ABCB4: variants seen among roughly 807,000 people sequenced by gnomAD.
The protein encoded by ABCB4 is phosphatidylcholine translocator ABCB4.
ABCB4 carries 76 observed loss-of-function variants against 145.7 expected under a neutral mutation model. The ratio of observed to expected loss-of-function variants is 0.52; its 90% CI spans 0.43 to 0.63. The LOEUF (loss-of-function observed/expected upper bound fraction) is 0.63, where lower values mean the gene tolerates loss of function less well. Ranked by LOEUF, ABCB4 falls within the 30% of genes least tolerant of loss-of-function variation. The pLI is 0.00. For synonymous variants in ABCB4, 517 were observed against 566.8 expected, an observed-to-expected ratio of 0.91 and a Z score of 1.25; for missense variants, 1,234 against 1,553.1, an observed-to-expected ratio of 0.79 and a Z score of 3.45.
chr7:87,461,457 A>G (rs1480024190), intron 4 of ABCB4, among the ~76,000 whole-genome samples: 2 of 152,160 alleles, frequency 1.3e-5, no homozygotes, highest in East Asian at 3.8e-4. Context: ...TGGAAAAGTT[A>G]TTTGCCCTCT....
intron 18 of ABCB4, among the ~76,000 whole-genome samples, chr7:87,420,994 G>A (rs1809376142): frequency 6.6e-6 from 1 of 152,154 alleles, no homozygotes; most frequent in Non-Finnish European, 1.5e-5. Flanking sequence ...TTAGAAACAA[G>A]ATCCAAATGA....
At chr7:87,387,610 G>A in the ABCB4 span, among the ~76,000 whole-genome samples, 10 of 151,902 alleles carry the variant, frequency 6.6e-5, no homozygotes, top group Non-Finnish European at 1.3e-4. Context: ...ATTATATATT[G>A]TATTCTTACA....
chr7:87,436,898 G>T (rs183664359), intron 14 of ABCB4, among the ~76,000 whole-genome samples: 112 of 152,260 alleles, frequency 7.4e-4, no homozygotes, highest in Admixed American at 1.5e-3. Flanking sequence ...TTTTTCATAG[G>T]TCTGTGGGTC....
At chr7:87,380,525 A>G in the ABCB4 span, among the ~76,000 whole-genome samples, 1 of 152,218 alleles carries the variant, frequency 6.6e-6, no homozygotes, top group Non-Finnish European at 1.5e-5. Flanking sequence ...CCCAGCTAGG[A>G]AGTAGTTTGA....
intron 3 of ABCB4, among the ~76,000 whole-genome samples, chr7:87,464,904 G>T (rs1812748468): frequency 2.0e-5 from 3 of 152,188 alleles, no homozygotes; most frequent in Admixed American, 2.0e-4. Context: ...GCGGTTCCAA[G>T]ATAGCTGATT....
the ABCB4 span, among the ~76,000 whole-genome samples, chr7:87,366,887 A>G: frequency 1.3e-5 from 2 of 152,258 alleles, no homozygotes; most frequent in African/African-American, 4.8e-5. Context: ...GTTGGCCCCC[A>G]GCACTACGGT....
chr7:87,436,362 T>C (rs1810611812), intron 14 of ABCB4, among the ~76,000 whole-genome samples: 2 of 151,858 alleles, frequency 1.3e-5, no homozygotes, highest in Non-Finnish European at 2.9e-5. Flanking sequence ...AAGAGTTTTC[T>C]GATGGCAGGT....
At position 87,402,051 on chromosome 7, in the gene ABCB4, G is replaced by C; in HGVS notation, c.*45C>G. 6.2e-7 allele frequency: 1 copy of C among 1,602,228 alleles called. No homozygotes were observed. Among genetic ancestry groups the C allele is most frequent in the Non-Finnish European group, 8.5e-7 (1 of 1,170,934 alleles). On this transcript the variant is annotated 3_prime_UTR_variant, in exon 28 of 28. Transcript: ENST00000649586. The stretch of plus-strand genomic sequence containing the variant: ...CTTATTTTACAAGTCAGATAAAATG[G>C]TAGAATAATTTGAATTTATTTTTAA...
At chr7:87,412,605 T>C (rs984852636) in intron 22 of ABCB4, among the ~76,000 whole-genome samples, 1 of 152,210 alleles carries the variant, frequency 6.6e-6, no homozygotes, top group Admixed American at 6.5e-5. Context: ...TGCTATACTT[T>C]ATTGGCTTCT....
intron 26 of ABCB4, among the ~76,000 whole-genome samples, chr7:87,404,380 G>C (rs567141068): frequency 5.8e-4 from 88 of 152,094 alleles, no homozygotes; most frequent in Non-Finnish European, 1.1e-3. Flanking sequence ...ATGGATCATG[G>C]ACTGAAATTT....
At chr7:87,425,039 G>C (rs764807026) in intron 16 of ABCB4, among the ~76,000 whole-genome samples, 2 of 151,398 alleles carry the variant, frequency 1.3e-5, no homozygotes, top group Non-Finnish European at 2.9e-5. Flanking sequence ...TGTATTTCAG[G>C]GTTTTTTTTT....
At chr7:87,439,562 C>G (rs1810831667) in intron 14 of ABCB4, 105 bp downstream of exon 14, 2 of 1,297,892 alleles carry the variant, frequency 1.5e-6, no homozygotes, top group Non-Finnish European at 2.2e-6. Context: ...TGAGGTAGCT[C>G]CATTTGCTAT....
At chr7:87,454,007 A>G (rs1811942876) in intron 5 of ABCB4, among the ~76,000 whole-genome samples, 1 of 152,250 alleles carries the variant, frequency 6.6e-6, no homozygotes, top group African/African-American at 2.4e-5. Context: ...CCAAATTAGT[A>G]GAAAGTTAGT....
intron 15 of ABCB4, among the ~76,000 whole-genome samples, chr7:87,431,159 C>A (rs779414965): frequency 1.3e-5 from 2 of 152,134 alleles, no homozygotes; most frequent in Non-Finnish European, 2.9e-5. Context: ...TTAGTTTGAC[C>A]ACATTCCCCA....
chr7:87,392,775 A>G, the ABCB4 span: 1 of 1,613,674 alleles, frequency 6.2e-7, no homozygotes, highest in Non-Finnish European at 8.5e-7. Flanking sequence ...GCAAAAGAGG[A>G]AGGTCTTCCT....
At chr7:87,387,184 T>C in the ABCB4 span, among the ~76,000 whole-genome samples, 1 of 152,046 alleles carries the variant, frequency 6.6e-6, no homozygotes, top group Non-Finnish European at 1.5e-5. Flanking sequence ...ATAGTTGTTT[T>C]GGTTTTCTGT....
chr7:87,463,985 C>T (rs1184768121), intron 3 of ABCB4, among the ~76,000 whole-genome samples: 3 of 152,178 alleles, frequency 2.0e-5, no homozygotes. Context: ...TTTTCCTCAT[C>T]TTACATTTCC....
chr7:87,434,303 G>A (rs1038408769), intron 14 of ABCB4, among the ~76,000 whole-genome samples: 1 of 151,838 alleles, frequency 6.6e-6, no homozygotes, highest in Admixed American at 6.6e-5. Context: ...GTGCATGTAG[G>A]TATGAAACTG....
the ABCB4 span, among the ~76,000 whole-genome samples, chr7:87,390,291 TAA>T: frequency 3.3e-5 from 5 of 152,228 alleles, no homozygotes; most frequent in Admixed American, 6.5e-5. Context: ...GCATCTATTA[TAA>T]AAAGTTTACT....
Sources: gnomAD v4.1 joint callset for allele counts (sites outside exome capture counted in the v4.1 genomes callset) on GRCh38, gnomAD v4.1.1 for gene constraint, MANE v1.5 for transcripts, NCBI Gene and HGNC (gene_info 2026-07-23, HGNC 2026-07-21) for gene names.